SHISA9: variants seen among roughly 807,000 people sequenced by gnomAD.
SHISA9 encodes the protein shisa family member 9.
SHISA9 carries 13 observed loss-of-function variants against 38.0 expected under a neutral mutation model. The observed-to-expected ratio is 0.34, with a 90% confidence interval of 0.22 to 0.54. The LOEUF is 0.54. Among genes scored for constraint, SHISA9 ranks in the 20% least tolerant of loss-of-function variants. The pLI, the probability that SHISA9 is intolerant of heterozygous loss-of-function variation, is 0.91. For synonymous variants in SHISA9, 275 were observed against 242.0 expected (o/e 1.14, Z -1.27); for missense variants, 538 against 575.8 (o/e 0.93, Z 0.67).
the SHISA9 span, among the ~76,000 whole-genome samples, chr16:13,360,380 A>C: frequency 2.0e-5 from 3 of 152,206 alleles, no homozygotes; most frequent in Non-Finnish European, 4.4e-5. Flanking sequence ...TGTAGTTCTC[A>C]TAATCCCTAC....
chr16:13,254,958 A>G, the SHISA9 span, among the ~76,000 whole-genome samples: 1 of 152,198 alleles, frequency 6.6e-6, no homozygotes, highest in Admixed American at 6.5e-5. Flanking sequence ...GCAGGAAAGT[A>G]TCTGTTCCCC....
At chr16:13,436,451 G>A in the SHISA9 span, among the ~76,000 whole-genome samples, 11 of 152,166 alleles carry the variant, frequency 7.2e-5, no homozygotes, top group African/African-American at 2.7e-4. Flanking sequence ...CTCAATTCCA[G>A]GAATCCCTCA....
chr16:13,422,477 C>G, the SHISA9 span, among the ~76,000 whole-genome samples: 3 of 152,122 alleles, frequency 2.0e-5, no homozygotes, highest in African/African-American at 7.2e-5. Context: ...AGGTGGATCA[C>G]TTGAGGTCAG....
chr16:13,231,448 C>G (rs1567258468), intron 4 of SHISA9, among the ~76,000 whole-genome samples: 1 of 152,118 alleles, frequency 6.6e-6, no homozygotes, highest in East Asian at 1.9e-4. Flanking sequence ...GGTTCTAGTC[C>G]CAGCTCTAAT....
chr16:13,156,228 G>T (rs1022636326), intron 2 of SHISA9, among the ~76,000 whole-genome samples: 4 of 152,162 alleles, frequency 2.6e-5, no homozygotes, highest in African/African-American at 9.7e-5. Context: ...TGTACACGCA[G>T]CTCAGACAGA....
chr16:13,111,544 CT>C (rs1182761679), intron 2 of SHISA9, among the ~76,000 whole-genome samples: 2 of 152,140 alleles, frequency 1.3e-5, no homozygotes, highest in Non-Finnish European at 2.9e-5. Context: ...CTGAGATTAT[CT>C]GTGTAAGACA....
chr16:13,546,276 C>G, the SHISA9 span, among the ~76,000 whole-genome samples: 1 of 152,204 alleles, frequency 6.6e-6, no homozygotes, highest in African/African-American at 2.4e-5. Flanking sequence ...CTTCTTCCCA[C>G]CCTTCCATTT....
the SHISA9 span, among the ~76,000 whole-genome samples, chr16:13,520,248 A>G: frequency 1.3e-5 from 2 of 152,172 alleles, no homozygotes; most frequent in South Asian, 4.1e-4. Flanking sequence ...GAGCGCACAG[A>G]TCAATAGTAC....
At chr16:13,542,496 C>T in the SHISA9 span, among the ~76,000 whole-genome samples, 2 of 152,138 alleles carry the variant, frequency 1.3e-5, no homozygotes, top group Non-Finnish European at 2.9e-5. Flanking sequence ...CACACAGCCC[C>T]CTAGAGGGCA....
At chr16:13,517,824 C>T in the SHISA9 span, among the ~76,000 whole-genome samples, 1,433 of 152,298 alleles carry the variant, frequency 9.4e-3, 22 homozygotes, top group African/African-American at 0.033. Context: ...AGCTAATCCT[C>T]AACTCAGATA....
the SHISA9 span, among the ~76,000 whole-genome samples, chr16:13,562,090 G>A: frequency 6.6e-6 from 1 of 152,164 alleles, no homozygotes; most frequent in Non-Finnish European, 1.5e-5. Context: ...CTCAGTCACT[G>A]ACTAACAGTC....
intron 2 of SHISA9, among the ~76,000 whole-genome samples, chr16:13,072,135 A>G (rs867552141): frequency 5.9e-5 from 9 of 152,208 alleles, no homozygotes; most frequent in African/African-American, 1.9e-4. Flanking sequence ...TCAGTCTCCT[A>G]GTGGACCGTT....
chr16:12,961,368 A>G lies in SHISA9; in HGVS notation c.691+44553A>G, dbSNP rs896089271. 5.3e-5 allele frequency among the ~76,000 whole-genome samples: 8 copies of G among 152,178 alleles called. 1 individual carries two copies. Among genetic ancestry groups the G allele is most frequent in the Admixed American group, 2.6e-4 (4 of 15,268 alleles). On this transcript the variant is annotated intron_variant, in intron 2 of 4. Transcript: ENST00000558583. ...GAGTCTGGTGTTTTTCTTGACGGCA[A>G]TGGAGATCCATGGAAGGAATTTGAG...
the SHISA9 span, among the ~76,000 whole-genome samples, chr16:13,270,430 C>T: frequency 1.3e-5 from 2 of 152,136 alleles, no homozygotes; most frequent in Admixed American, 1.3e-4. Flanking sequence ...CTCCTAATGA[C>T]TTGCTCTTAG....
chr16:13,544,429 G>GTTTT, the SHISA9 span, among the ~76,000 whole-genome samples: 3,562 of 102,000 alleles, frequency 0.035, 219 homozygotes, highest in African/African-American at 0.097. Flanking sequence ...TTTTTTTCTT[G>GTTTT]TTTTTTTTTT....
chr16:13,270,710 A>G, the SHISA9 span, among the ~76,000 whole-genome samples: 1 of 152,182 alleles, frequency 6.6e-6, no homozygotes, highest in East Asian at 1.9e-4. Flanking sequence ...GGATAATTAT[A>G]CACTTACATA....
intron 2 of SHISA9, among the ~76,000 whole-genome samples, chr16:13,156,939 T>C (rs1251819881): frequency 6.6e-6 from 1 of 152,176 alleles, no homozygotes; most frequent in Non-Finnish European, 1.5e-5. Flanking sequence ...ACACATTTAC[T>C]GAGTGTTTTT....
intron 2 of SHISA9, among the ~76,000 whole-genome samples, chr16:12,942,611 C>T (rs1398363807): frequency 6.6e-6 from 1 of 152,178 alleles, no homozygotes; most frequent in African/African-American, 2.4e-5. Flanking sequence ...GAAATAAGTG[C>T]TAGAAAAAAG....
chr16:13,114,465 CAAAAAAAAAAAA>C (rs58742818), intron 2 of SHISA9, among the ~76,000 whole-genome samples: 4 of 51,022 alleles, frequency 7.8e-5, no homozygotes, highest in East Asian at 4.4e-4. Flanking sequence ...GATTCCATCT[CAAAAAAAAAAAA>C]AAAAAAAAAA....
Sources: gnomAD v4.1 joint callset for allele counts (sites outside exome capture counted in the v4.1 genomes callset) on GRCh38, gnomAD v4.1.1 for gene constraint, MANE v1.5 for transcripts, NCBI Gene and HGNC (gene_info 2026-07-23, HGNC 2026-07-21) for gene names.